KAZN: variants seen among roughly 807,000 people sequenced by gnomAD.
The protein encoded by KAZN is kazrin, periplakin interacting protein, also known as kazrin.
A neutral mutation model predicts 87.4 loss-of-function variants in KAZN; 40 were observed. The observed-to-expected ratio is 0.46, with a 90% confidence interval of 0.36 to 0.60. The LOEUF is 0.60. Among genes scored for constraint, KAZN ranks in the 20% least tolerant of loss-of-function variants. The probability of loss-of-function intolerance (pLI) is 0.00; values close to 1 mark genes in which losing one functional copy is unlikely to be tolerated. For synonymous variants in KAZN, 466 were observed against 458.3 expected (o/e 1.02, Z -0.22); for missense variants, 898 against 1,073.9 (o/e 0.84, Z 2.29).
At chr1:14,277,176 A>C (rs1359388280) in intron 2 of KAZN, among the ~76,000 whole-genome samples, 2 of 152,222 alleles carry the variant, frequency 1.3e-5, no homozygotes, top group African/African-American at 4.8e-5. Flanking sequence ...ATACTCAAAA[A>C]TTAACAACGT....
At chr1:13,936,095 A>ATTTTTTTTTTTTT (rs1557731876) in intron 1 of KAZN, among the ~76,000 whole-genome samples, 2 of 32,908 alleles carry the variant, frequency 6.1e-5, no homozygotes, top group Non-Finnish European at 1.3e-4. Flanking sequence ...GTACAAGTGC[A>ATTTTTTTTTTTTT]GTTTTTTTTT....
chr1:14,117,762 G>A (rs1315199826), intron 1 of KAZN, among the ~76,000 whole-genome samples: 1 of 152,158 alleles, frequency 6.6e-6, no homozygotes, highest in African/African-American at 2.4e-5. Context: ...AGTAAGACTG[G>A]TGATGATGAT....
At chr1:14,572,153 CT>C (rs1674911528) in intron 2 of KAZN, among the ~76,000 whole-genome samples, 1 of 152,170 alleles carries the variant, frequency 6.6e-6, no homozygotes, top group Non-Finnish European at 1.5e-5. Context: ...AGGTGGGAAA[CT>C]TTAGAATAAC....
chr1:14,785,568 A>G (rs778708924), intron 1 of KAZN, among the ~76,000 whole-genome samples: 13 of 151,964 alleles, frequency 8.6e-5, no homozygotes, highest in South Asian at 4.2e-4. Flanking sequence ...TCCGACCCTC[A>G]CCAACACCTT....
chr1:14,239,124 C>T (rs917683463), intron 2 of KAZN, among the ~76,000 whole-genome samples: 12 of 152,254 alleles, frequency 7.9e-5, no homozygotes, highest in African/African-American at 1.4e-4. Context: ...AGAAAGATTA[C>T]GTAAGCCAAA....
chr1:14,331,903 TATC>T (rs1656886104), intron 2 of KAZN, among the ~76,000 whole-genome samples: 1 of 152,172 alleles, frequency 6.6e-6, no homozygotes, highest in African/African-American at 2.4e-5. Flanking sequence ...ATAAAAAGAA[TATC>T]ATGCTATATA....
At position 14,461,356 on chromosome 1, in the gene KAZN, G is replaced by A. The variant is rs114724136; in HGVS notation, c.250-137627G>A. On this transcript the variant is annotated intron_variant, in intron 2 of 16. Coordinates refer to the KAZN transcript ENST00000636203. The stretch of plus-strand genomic sequence containing the variant: ...GGGCAGTTCCCGCATACTGTTCTGT[G>A]GTGGTGAATAAGTCTCACGAGATCT... Among the ~76,000 whole-genome samples, 1,157 of 152,198 alleles carry A rather than the reference G, an allele frequency of 7.6e-3. 15 individuals are homozygous for A. Among genetic ancestry groups the A allele is most frequent in the African/African-American group, 0.026 (1,072 of 41,514 alleles).
intron 1 of KAZN, among the ~76,000 whole-genome samples, chr1:13,923,209 G>A (rs1258749022): frequency 6.6e-6 from 1 of 152,180 alleles, no homozygotes; most frequent in Non-Finnish European, 1.5e-5. Context: ...TAGGTTATAT[G>A]TATTATGTAC....
At chr1:14,253,513 C>T (rs1281693217) in intron 2 of KAZN, among the ~76,000 whole-genome samples, 36 of 152,168 alleles carry the variant, frequency 2.4e-4, no homozygotes, top group Admixed American at 2.4e-3. Flanking sequence ...AAATAAGACT[C>T]ATGGAGAAAA....
At position 15,099,547 on chromosome 1, in the gene KAZN, T is replaced by C. The variant is rs1474574972; in HGVS notation, c.1548-1996T>C. Among the ~76,000 whole-genome samples, 2 of 150,122 alleles carry C rather than the reference T, an allele frequency of 1.3e-5. No individual in the cohort carries two copies. Among genetic ancestry groups the C allele is most frequent in the Non-Finnish European group, 3.0e-5 (2 of 67,520 alleles). ...GCAAGGGGCTGGCCGGGGAGGGGAA[T>C]GGGGGGTGAAGAGCTCAGTGCCTCC... On this transcript the variant is annotated intron_variant, in intron 10 of 14. Transcript: ENST00000376030. This position sits in a 1 kb window ranked among gnomAD's most constrained non-coding sequence, Gnocchi z 5.4.
At chr1:13,967,616 A>G (rs1207710276) in intron 1 of KAZN, among the ~76,000 whole-genome samples, 7 of 152,180 alleles carry the variant, frequency 4.6e-5, no homozygotes, top group Non-Finnish European at 1.0e-4. Context: ...AATGGAGCCA[A>G]TGATAGTGCG....
chr1:14,951,577 A>T (rs1271899173), intron 1 of KAZN, among the ~76,000 whole-genome samples: 1 of 152,012 alleles, frequency 6.6e-6, no homozygotes, highest in East Asian at 1.9e-4. Context: ...CCCAGGTTCA[A>T]GCAATTTTCC....
chr1:15,087,524 C>T (rs1295418843), intron 8 of KAZN, among the ~76,000 whole-genome samples: 4 of 152,036 alleles, frequency 2.6e-5, no homozygotes, highest in African/African-American at 9.7e-5. Flanking sequence ...TCCCGAGTAT[C>T]TGGGACTACA....
Position 14,000,629 on chromosome 1 carries a change from G to A in KAZN, c.91+106873G>A, listed in dbSNP as rs991018382. On this transcript the variant is annotated intron_variant, in intron 1 of 16. Transcript: ENST00000636203. ...GGCAAAAGCTGGAAGCATCCCCACT[G>A]AAAACCAACACAAGACCAAAGATGC... Among the ~76,000 whole-genome samples, 7 of 152,294 alleles carry A rather than the reference G, an allele frequency of 4.6e-5. 1 individual carries two copies. The South Asian group carries it at 1.2e-3, about 27-fold the overall frequency.
At chr1:14,518,829 C>T (rs560687334) in intron 2 of KAZN, among the ~76,000 whole-genome samples, 15 of 152,342 alleles carry the variant, frequency 9.8e-5, no homozygotes, top group Middle Eastern at 3.4e-3. Context: ...GTGCCAAGCA[C>T]GTAGGTGCTC....
intron 7 of KAZN, among the ~76,000 whole-genome samples, 164 bp downstream of exon 7, chr1:15,063,786 G>A (rs1232340710): frequency 6.6e-6 from 1 of 151,356 alleles, no homozygotes. Flanking sequence ...CCAAGGCGGA[G>A]AGGATTTATG....
chr1:14,899,937 C>G (rs1655675612), intron 1 of KAZN, among the ~76,000 whole-genome samples: 1 of 152,250 alleles, frequency 6.6e-6, no homozygotes. Context: ...ATCCTGCTTC[C>G]TGCCCACCCC....
At chr1:14,306,303 A>G (rs1489152764) in intron 2 of KAZN, among the ~76,000 whole-genome samples, 2 of 152,200 alleles carry the variant, frequency 1.3e-5, no homozygotes, top group African/African-American at 2.4e-5. Context: ...GTAAAGGCCA[A>G]TGTATTGGGG....
intron 1 of KAZN, among the ~76,000 whole-genome samples, chr1:14,646,655 G>A (rs1174630304): frequency 6.6e-6 from 1 of 152,062 alleles, no homozygotes; most frequent in African/African-American, 2.4e-5. Context: ...CCCACCAGAT[G>A]TCAGCAGTGT....
Sources: gnomAD v4.1 joint callset for allele counts (sites outside exome capture counted in the v4.1 genomes callset) on GRCh38, gnomAD v4.1.1 for gene constraint, Gnocchi (gnomAD v3.1) non-coding constraint, MANE v1.5 for transcripts, NCBI Gene and HGNC (gene_info 2026-07-23, HGNC 2026-07-21) for gene names.